The following TESMIN variants were observed in gnomAD, a reference collection of about 807,000 sequenced individuals.
TESMIN encodes CXC domain containing 2.
TESMIN carries 34 observed loss-of-function variants against 47.4 expected under a neutral mutation model. The ratio of observed to expected loss-of-function variants is 0.72; its 90% CI spans 0.55 to 0.96. The LOEUF (loss-of-function observed/expected upper bound fraction) is 0.96. Among genes scored for constraint, TESMIN ranks in the 40% least tolerant of loss-of-function variants. TESMIN has a pLI of 0.00. For missense variants in TESMIN, 610 were observed against 637.2 expected (o/e 0.96, Z 0.46); for synonymous variants, 278 against 258.9 (o/e 1.07, Z -0.71).
intron 6 of TESMIN, among the ~76,000 whole-genome samples, chr11:68,719,083 T>A (rs1310803103): frequency 1.3e-5 from 2 of 152,118 alleles, no homozygotes; most frequent in African/African-American, 4.8e-5. Flanking sequence ...CTTAGCATGA[T>A]AGTAGAGGGG....
chr11:68,727,186 A>G (rs1384269435), intron 6 of TESMIN, among the ~76,000 whole-genome samples: 1 of 152,220 alleles, frequency 6.6e-6, no homozygotes, highest in Non-Finnish European at 1.5e-5. Context: ...CATGTCTGTA[A>G]TCCCAGCACT....
At chr11:68,732,923 G>GA (rs1244038011) in intron 6 of TESMIN, 4 of 152,242 alleles carry the variant, frequency 2.6e-5, no homozygotes, top group Admixed American at 2.6e-4. Context: ...CTCTGTAATG[G>GA]AAAAATCACG....
chr11:68,744,813 A>C (rs149843149), intron 4 of TESMIN, 178 bp downstream of exon 4: 305 of 502,514 alleles, frequency 6.1e-4, no homozygotes, highest in African/African-American at 3.5e-3. Context: ...TACAGGGTAC[A>C]AAAATTAGTC....
At chr11:68,715,562 T>A (rs1343547901) in intron 7 of TESMIN, among the ~76,000 whole-genome samples, 1 of 152,186 alleles carries the variant, frequency 6.6e-6, no homozygotes, top group East Asian at 1.9e-4. Flanking sequence ...AAAGTGGACA[T>A]TCGCATGTTC....
At chr11:68,719,880 A>G (rs2153991093) in intron 6 of TESMIN, among the ~76,000 whole-genome samples, 1 of 152,290 alleles carries the variant, frequency 6.6e-6, no homozygotes, top group Admixed American at 6.5e-5. Flanking sequence ...GAGAGAGGAG[A>G]GAAAATGGGG....
chr11:68,742,411 T>A lies in TESMIN; in HGVS notation c.752-17A>T. The A allele has an allele frequency of 2.0e-6, 3 of 1,507,832 alleles. No homozygotes were observed. Among genetic ancestry groups the A allele is most frequent in the Non-Finnish European group, 2.7e-6 (3 of 1,100,500 alleles). The allele number at this position is 1,507,832 out of a possible 1,614,324, so 93.4% of individuals were successfully genotyped here. ...TAGGGACATCTGTAAGGAAGATAAT[T>A]AAAAATTAATTGTAGCATCTATCGT... is the stretch of plus-strand genomic sequence containing the variant. On this transcript the variant is annotated splice_polypyrimidine_tract_variant and intron_variant, in intron 4 of 9. Transcript: ENST00000255087.
intron 9 of TESMIN, among the ~76,000 whole-genome samples, chr11:68,710,296 C>A (rs1460736877): frequency 6.6e-6 from 1 of 152,086 alleles, no homozygotes; most frequent in African/African-American, 2.4e-5. Flanking sequence ...ACATTGAACT[C>A]GAAGTTTTTT....
At chr11:68,747,114 T>C (rs778605229) in intron 3 of TESMIN, 94 bp downstream of exon 3, 1 of 1,418,440 alleles carries the variant, frequency 7.1e-7, no homozygotes, top group Non-Finnish European at 9.9e-7. Context: ...ATACGTGAAA[T>C]GAAAAACGAG....
rs375794845 is a variant in TESMIN at position 68,737,805 on chromosome 11, C to T, written c.917+895G>A. ...GTATGCGCCTGTGGTCCCAGCTACT[C>T]GGGAGGCTGAGGAAGGAGAATTGCT... On this transcript the variant is annotated intron_variant, in intron 6 of 9. Coordinates refer to ENST00000255087, the MANE Select transcript of TESMIN (RefSeq NM_004923.3). 76 of 756,820 alleles carry T rather than the reference C, an allele frequency of 1.0e-4. 1 individual carries two copies. The South Asian group carries it at 2.9e-3, about 29-fold the overall frequency. The allele number at this position is 756,820 out of a possible 1,614,324, so 46.9% of individuals were successfully genotyped here.
chr11:68,726,195 T>C (rs1203540485), intron 6 of TESMIN, among the ~76,000 whole-genome samples: 1 of 152,176 alleles, frequency 6.6e-6, no homozygotes, highest in Non-Finnish European at 1.5e-5. Context: ...CGGAGGGCTC[T>C]ATCTACTCTG....
downstream of TESMIN, among the ~76,000 whole-genome samples, chr11:68,706,560 C>A (rs569174094): frequency 1.3e-5 from 2 of 152,212 alleles, no homozygotes; most frequent in African/African-American, 2.4e-5. Flanking sequence ...TCCCTCCACT[C>A]GGTGCCCCAG....
In TESMIN at chr11:68,732,155, C is replaced by A. The variant is rs553501862; in HGVS notation, c.917+6545G>T. Among the ~76,000 whole-genome samples the A allele has an allele frequency of 1.9e-4, 29 of 152,288 alleles. No homozygotes were observed. In the East Asian group the frequency reaches 4.2e-3, roughly 22 times the overall value. ...CTTCGTGGAGAAGGCATCTCCGTGCCCTTACAGACAGTGCTCTGTCGCCTG... is the reference window on the plus strand; with the variant it reads ...CTTCGTGGAGAAGGCATCTCCGTGCACTTACAGACAGTGCTCTGTCGCCTG... On this transcript the variant is annotated intron_variant, in intron 6 of 9. Transcript: ENST00000255087.
At chr11:68,707,012 A>G (rs1350391249), downstream of TESMIN, among the ~76,000 whole-genome samples, 1 of 152,236 alleles carries the variant, frequency 6.6e-6, no homozygotes, top group African/African-American at 2.4e-5. Context: ...CAGGACTGAA[A>G]GCACACACAG....
intron 7 of TESMIN, among the ~76,000 whole-genome samples, chr11:68,714,900 C>CTT (rs1195624170): frequency 6.6e-6 from 1 of 152,176 alleles, no homozygotes; most frequent in Non-Finnish European, 1.5e-5. Flanking sequence ...AATTCCAACC[C>CTT]TTTTTGTTTT....
chr11:68,723,861 A>G (rs1946230983), intron 6 of TESMIN, among the ~76,000 whole-genome samples: 1 of 152,204 alleles, frequency 6.6e-6, no homozygotes, highest in Non-Finnish European at 1.5e-5. Context: ...ACTACAAAAG[A>G]AAGTGAATGA....
chr11:68,708,327 T>A lies in TESMIN; in HGVS notation c.1508A>T (p.Lys503Met), dbSNP rs781580356. ...TATACTCTACTCCATTTTCAATCCCTTAGATTTAAACTCAGTGTGGAGAAT... is the reference window on the plus strand; with the variant it reads ...TATACTCTACTCCATTTTCAATCCCATAGATTTAAACTCAGTGTGGAGAAT... ...SQILHTEFKS[K>M]GLKME Residue 503 changes from lysine to methionine, a missense_variant, in exon 10 of 10, where the codon AAG (lysine) becomes ATG (methionine). Physicochemically the swap from Lys to Met is moderately conservative, Grantham distance 95 (BLOSUM62 -1). Transcript: ENST00000255087. 4.4e-6 allele frequency: 7 copies of A among 1,606,970 alleles called. No homozygotes were observed. The highest frequency in any genetic ancestry group is 1.7e-5 in the Admixed American group (1 of 58,492).
chr11:68,725,912 C>T (rs1379754031), intron 6 of TESMIN, among the ~76,000 whole-genome samples: 2 of 152,044 alleles, frequency 1.3e-5, no homozygotes, highest in East Asian at 3.8e-4. Context: ...TTAAGGAAAC[C>T]CAACAGAGGG....
intron 3 of TESMIN, among the ~76,000 whole-genome samples, chr11:68,745,653 A>C (rs983611561): frequency 6.6e-6 from 1 of 152,262 alleles, no homozygotes; most frequent in Non-Finnish European, 1.5e-5. Flanking sequence ...TTTTAAAAAC[A>C]CATCTATTTT....
chr11:68,710,816 C>T, intron 9 of TESMIN, 58 bp downstream of exon 9: 1 of 1,467,160 alleles, frequency 6.8e-7, no homozygotes, highest in Non-Finnish European at 9.3e-7. Flanking sequence ...GTCGTTAATT[C>T]TCCTCTCAAA....
Sources: allele counts gnomAD v4.1 joint callset (sites outside exome capture counted in the v4.1 genomes callset), GRCh38; gene constraint gnomAD v4.1.1; transcripts MANE v1.5; gene names NCBI Gene and HGNC (gene_info 2026-07-23, HGNC 2026-07-21).